The following RAB38 variants were observed in gnomAD, a reference collection of about 807,000 sequenced individuals.
The protein encoded by RAB38 is RAB38, member RAS oncogene family, also known as ras-related protein Rab-38.
Under a neutral mutation model 18.4 loss-of-function variants are expected in RAB38, and 15 were observed. That is an observed-to-expected ratio of 0.82 (90% CI 0.55 to 1.26). RAB38 has a LOEUF of 1.26. RAB38 is among the 50% of genes most tolerant of loss of function. The pLI is 0.00. For synonymous variants in RAB38, 101 were observed against 104.4 expected (o/e 0.97, Z 0.20); for missense variants, 294 against 267.4 (o/e 1.10, Z -0.69).
the RAB38 span, among the ~76,000 whole-genome samples, chr11:88,084,142 T>C: frequency 4.5e-3 from 676 of 151,878 alleles, 10 homozygotes; most frequent in African/African-American, 0.015. Context: ...GGGGGAGTAA[T>C]AATGTGTGTG....
At chr11:88,146,829 T>G (rs966604553) in intron 2 of RAB38, among the ~76,000 whole-genome samples, 1 of 152,196 alleles carries the variant, frequency 6.6e-6, no homozygotes, top group African/African-American at 2.4e-5. Context: ...AATAAGGCCT[T>G]GTACTCTCTT....
the RAB38 span, among the ~76,000 whole-genome samples, chr11:88,062,948 G>C: frequency 6.6e-6 from 1 of 152,184 alleles, no homozygotes; most frequent in African/African-American, 2.4e-5. Context: ...GATGGGATTA[G>C]GGTGGTTTAC....
the RAB38 span, among the ~76,000 whole-genome samples, chr11:87,886,674 C>G: frequency 6.6e-6 from 1 of 151,890 alleles, no homozygotes; most frequent in Admixed American, 6.6e-5. Context: ...ATTATCTCCT[C>G]TAATCATCAC....
the RAB38 span, among the ~76,000 whole-genome samples, chr11:88,038,879 T>C: frequency 3.3e-5 from 5 of 152,248 alleles, no homozygotes; most frequent in Non-Finnish European, 7.3e-5. Context: ...CAATCAGCAA[T>C]ACTTTACAAA....
At chr11:88,021,561 ATAATTTATTTATTTATTTAT>A in the RAB38 span, among the ~76,000 whole-genome samples, 1 of 141,402 alleles carries the variant, frequency 7.1e-6, no homozygotes, top group African/African-American at 2.7e-5. Context: ...ATAGAGAAAG[ATAATTTATTTATTTATTTAT>A]TTATTTATTT....
At chr11:87,966,508 C>T in the RAB38 span, among the ~76,000 whole-genome samples, 4 of 152,038 alleles carry the variant, frequency 2.6e-5, no homozygotes, top group Admixed American at 6.6e-5. Context: ...TCTAAATTTC[C>T]AAGAAGGCAG....
chr11:88,098,108 T>C, the RAB38 span: 2 of 151,892 alleles, frequency 1.3e-5, no homozygotes, highest in Non-Finnish European at 1.5e-5. Flanking sequence ...AATACATAAA[T>C]AAATAAATAG....
chr11:88,157,105 A>C (rs1333507749), intron 1 of RAB38, among the ~76,000 whole-genome samples: 1 of 152,184 alleles, frequency 6.6e-6, no homozygotes, highest in Non-Finnish European at 1.5e-5. Flanking sequence ...AATCCATCTC[A>C]CATGTAATGA....
the RAB38 span, among the ~76,000 whole-genome samples, chr11:88,027,957 A>G: frequency 1.3e-5 from 2 of 152,322 alleles, no homozygotes; most frequent in South Asian, 2.1e-4. Context: ...ACCCCTGAGC[A>G]GCCTAACTGG....
chr11:87,841,305 C>G, the RAB38 span, among the ~76,000 whole-genome samples: 1 of 152,058 alleles, frequency 6.6e-6, no homozygotes, highest in African/African-American at 2.4e-5. Flanking sequence ...GGAGCTTTCA[C>G]GAGATCTGAT....
At chr11:88,052,933 T>C in the RAB38 span, among the ~76,000 whole-genome samples, 1 of 26,854 alleles carries the variant, frequency 3.7e-5, no homozygotes, top group African/African-American at 1.6e-4. Context: ...TATATATATA[T>C]ATATATATAT....
At chr11:88,012,743 G>T in the RAB38 span, among the ~76,000 whole-genome samples, 1 of 152,066 alleles carries the variant, frequency 6.6e-6, no homozygotes, top group Non-Finnish European at 1.5e-5. Context: ...ATTATATTTA[G>T]TCAAACTCCT....
intron 2 of RAB38, among the ~76,000 whole-genome samples, chr11:88,124,993 T>A (rs1272214880): frequency 6.6e-6 from 1 of 152,222 alleles, no homozygotes; most frequent in Non-Finnish European, 1.5e-5. Flanking sequence ...TGCTTAGAGA[T>A]GATGATGGAC....
the RAB38 span, among the ~76,000 whole-genome samples, chr11:88,070,589 G>A: frequency 2.0e-5 from 3 of 152,158 alleles, no homozygotes; most frequent in Admixed American, 1.3e-4. Context: ...TTAATTTCAT[G>A]CACATGTGAG....
the RAB38 span, among the ~76,000 whole-genome samples, chr11:87,929,484 T>G: frequency 6.6e-6 from 1 of 151,932 alleles, no homozygotes; most frequent in African/African-American, 2.4e-5. Flanking sequence ...AATTTTAGGG[T>G]TGTATTTCAA....
downstream of RAB38, among the ~76,000 whole-genome samples, chr11:88,109,600 G>C (rs944695862): frequency 1.1e-4 from 17 of 152,070 alleles, no homozygotes; most frequent in African/African-American, 3.9e-4. Context: ...CAGAATGGGA[G>C]TAAATTTTTG....
the RAB38 span, among the ~76,000 whole-genome samples, chr11:87,908,766 A>G: frequency 6.6e-6 from 1 of 152,016 alleles, no homozygotes; most frequent in Non-Finnish European, 1.5e-5. Context: ...GAAATTGACT[A>G]TATGTGGGCA....
chr11:87,813,061 C>T, the RAB38 span, among the ~76,000 whole-genome samples: 6 of 152,086 alleles, frequency 3.9e-5, no homozygotes, highest in Admixed American at 3.9e-4. Flanking sequence ...GGATTTTTTA[C>T]CACTTCACAT....
the RAB38 span, among the ~76,000 whole-genome samples, chr11:88,019,756 T>C: frequency 6.6e-6 from 1 of 152,186 alleles, no homozygotes; most frequent in Non-Finnish European, 1.5e-5. Context: ...AACAGAAAAT[T>C]TATGACACTC....
Sources: gnomAD v4.1 joint callset for allele counts (sites outside exome capture counted in the v4.1 genomes callset) on GRCh38, gnomAD v4.1.1 for gene constraint, MANE v1.5 for transcripts, NCBI Gene and HGNC (gene_info 2026-07-23, HGNC 2026-07-21) for gene names.